Variants in CERS3 observed in about 807,000 individuals in gnomAD.
CERS3 encodes ceramide synthase 3.
In CERS3, 33 loss-of-function variants were observed where a neutral mutation model predicts 50.3. The ratio of observed to expected loss-of-function variants is 0.66; its 90% CI spans 0.50 to 0.88. CERS3 has a LOEUF of 0.88. Among genes scored for constraint, CERS3 ranks in the 40% least tolerant of loss-of-function variants. The pLI is 0.00. For missense variants in CERS3, 470 were observed against 460.3 expected (o/e 1.02, Z -0.19); for synonymous variants, 176 against 155.2 (o/e 1.13, Z -0.99).
chr15:100,404,704 C>T (rs1354247970), intron 11 of CERS3, among the ~76,000 whole-genome samples: 1 of 152,178 alleles, frequency 6.6e-6, no homozygotes, highest in Non-Finnish European at 1.5e-5. Flanking sequence ...GGAGGACTCA[C>T]ACTGCCAGAT....
chr15:100,519,257 T>C (rs2036577263), intron 2 of CERS3, among the ~76,000 whole-genome samples: 1 of 151,910 alleles, frequency 6.6e-6, no homozygotes, highest in Admixed American at 6.6e-5. Flanking sequence ...GATGAGACAG[T>C]GATTGAGGTG....
chr15:100,475,307 T>G (rs2035091389), intron 8 of CERS3, among the ~76,000 whole-genome samples: 1 of 152,218 alleles, frequency 6.6e-6, no homozygotes, highest in Non-Finnish European at 1.5e-5. Context: ...CCACCATCAC[T>G]CAACACAAAC....
chr15:100,439,536 G>T (rs938538109), intron 11 of CERS3, among the ~76,000 whole-genome samples: 13 of 152,206 alleles, frequency 8.5e-5, no homozygotes, highest in African/African-American at 2.7e-4. Flanking sequence ...AATTTCATTT[G>T]TAAAGTATCC....
At chr15:100,514,675 A>G (rs1041373956) in intron 2 of CERS3, among the ~76,000 whole-genome samples, 1 of 152,206 alleles carries the variant, frequency 6.6e-6, no homozygotes, top group Non-Finnish European at 1.5e-5. Context: ...AATCCTAATG[A>G]CATATTAAAA....
intron 11 of CERS3, among the ~76,000 whole-genome samples, chr15:100,417,362 C>A (rs986709743): frequency 6.6e-6 from 1 of 152,150 alleles, no homozygotes; most frequent in East Asian, 1.9e-4. Flanking sequence ...CCTAATACTG[C>A]GCTTTTCCGA....
intron 11 of CERS3, among the ~76,000 whole-genome samples, chr15:100,409,713 C>T (rs1204544059): frequency 2.6e-5 from 4 of 152,128 alleles, no homozygotes; most frequent in African/African-American, 9.7e-5. Context: ...TTGTGTTGCC[C>T]TTCCCATTTG....
intron 9 of CERS3, among the ~76,000 whole-genome samples, chr15:100,470,118 T>C (rs1458876606): frequency 1.3e-5 from 2 of 152,200 alleles, no homozygotes; most frequent in South Asian, 2.1e-4. Context: ...AGACAGTTAA[T>C]TGATAAGCGC....
At chr15:100,423,481 A>G (rs886442902) in intron 11 of CERS3, among the ~76,000 whole-genome samples, 2 of 152,214 alleles carry the variant, frequency 1.3e-5, no homozygotes, top group African/African-American at 4.8e-5. Context: ...ACATGGATGC[A>G]GCTGGAGGCC....
intron 5 of CERS3, among the ~76,000 whole-genome samples, chr15:100,480,625 G>T (rs1230568640): frequency 2.0e-5 from 3 of 152,148 alleles, no homozygotes; most frequent in Non-Finnish European, 2.9e-5. Flanking sequence ...TTTAGATCCT[G>T]ATTCAAATCA....
At chr15:100,466,771 TC>T (rs1475719161) in intron 10 of CERS3, among the ~76,000 whole-genome samples, 533 of 26,462 alleles carry the variant, frequency 0.02, 43 homozygotes, top group East Asian at 0.034. Context: ...CTTCCTTCCT[TC>T]CTTCCTTCCT....
At chr15:100,517,102 C>G (rs905545) in intron 2 of CERS3, among the ~76,000 whole-genome samples, 3,832 of 152,310 alleles carry the variant, frequency 0.025, 117 homozygotes, top group Admixed American at 0.09. Flanking sequence ...GTTTGAAGGT[C>G]AGTCCTGTCA....
In CERS3 at chr15:100,496,858, G is replaced by A. The variant is rs542661022; in HGVS notation, c.173+4819C>T. Among the ~76,000 whole-genome samples, 8 of 152,042 alleles carry A rather than the reference G, an allele frequency of 5.3e-5. No individual in the cohort carries two copies. In the South Asian group the frequency reaches 1.2e-3, roughly 24 times the overall value. The stretch of plus-strand genomic sequence containing the variant: ...TAGTTCTTAAATTCATTTTTATATC[G>A]ATGGAAGTTGAATAAAAACTCTCCT... On this transcript the variant is annotated intron_variant, in intron 3 of 11. Transcript: ENST00000679737.
At chr15:100,452,580 T>C (rs1295706229) in intron 11 of CERS3, among the ~76,000 whole-genome samples, 4 of 152,026 alleles carry the variant, frequency 2.6e-5, no homozygotes, top group Non-Finnish European at 5.9e-5. Context: ...AAAAATCTAG[T>C]GATGCACTTC....
intron 8 of CERS3, among the ~76,000 whole-genome samples, chr15:100,474,163 T>C (rs375238855): frequency 2.6e-5 from 4 of 152,170 alleles, no homozygotes; most frequent in South Asian, 4.1e-4. Flanking sequence ...CTAAATGGTA[T>C]AGAGTTTCTT....
intron 2 of CERS3, among the ~76,000 whole-genome samples, chr15:100,512,404 T>C (rs918828040): frequency 6.6e-6 from 1 of 152,110 alleles, no homozygotes; most frequent in Admixed American, 6.5e-5. Context: ...GCACCTCCCT[T>C]GGGGGTGTTG....
At chr15:100,472,826 C>T in intron 9 of CERS3, 98 bp downstream of exon 9, 3 of 1,440,898 alleles carry the variant, frequency 2.1e-6, no homozygotes, top group Non-Finnish European at 2.9e-6. Flanking sequence ...GTTTTCAGGA[C>T]ACAGAGCTCT....
intron 11 of CERS3, among the ~76,000 whole-genome samples, chr15:100,423,646 G>T (rs1404328437): frequency 6.6e-6 from 1 of 152,090 alleles, no homozygotes; most frequent in Non-Finnish European, 1.5e-5. Flanking sequence ...CTACCTATCA[G>T]GTACTATGCT....
chr15:100,540,183 A>G (rs2037166085), intron 1 of CERS3, among the ~76,000 whole-genome samples: 1 of 152,204 alleles, frequency 6.6e-6, no homozygotes, highest in African/African-American at 2.4e-5. Flanking sequence ...ACCTTGGCTC[A>G]GGCCCCATCT....
At chr15:100,403,972 A>G (rs925026772) in intron 11 of CERS3, among the ~76,000 whole-genome samples, 3 of 152,240 alleles carry the variant, frequency 2.0e-5, no homozygotes, top group African/African-American at 7.2e-5. Context: ...AGATTATGTA[A>G]GTGGGCCCTC....
Sources: allele counts gnomAD v4.1 joint callset (sites outside exome capture counted in the v4.1 genomes callset), GRCh38; gene constraint gnomAD v4.1.1; transcripts MANE v1.5; gene names NCBI Gene and HGNC (gene_info 2026-07-23, HGNC 2026-07-21).